CPLANE1: variants seen among roughly 807,000 people sequenced by gnomAD.
CPLANE1 encodes ciliogenesis and planar polarity effector 1.
A neutral mutation model predicts 362.5 loss-of-function variants in CPLANE1; 263 were observed. The observed-to-expected ratio is 0.73, with a 90% confidence interval of 0.66 to 0.80. The LOEUF (loss-of-function observed/expected upper bound fraction) is 0.80, where lower values mean the gene tolerates loss of function less well. CPLANE1 is among the 30% of genes least tolerant of loss of function. The pLI is 0.00. For missense variants in CPLANE1, 3,461 were observed against 3,793.4 expected, an observed-to-expected ratio of 0.91 and a Z score of 2.30; for synonymous variants, 1,212 against 1,302.6, an observed-to-expected ratio of 0.93 and a Z score of 1.50.
the CPLANE1 span, chr5:37,085,031 T>A: frequency 1.6e-6 from 1 of 637,102 alleles, no homozygotes; most frequent in Non-Finnish European, 2.9e-6. Flanking sequence ...GGAAGAGAGG[T>A]CGTCTTTCCT....
chr5:37,187,862 A>G lies in CPLANE1; in HGVS notation c.3812-20T>C. ...AGCAACCTAAAGCAGGAACACAAAT[A>G]TGAAAGAAAATCACATGAGTATGTA... On this transcript the variant is annotated intron_variant, in intron 21 of 52. Coordinates refer to ENST00000651892, the MANE Select transcript of CPLANE1 (RefSeq NM_001384732.1). 1 of 1,560,966 alleles carries G rather than the reference A, an allele frequency of 6.4e-7. No individual in the cohort carries two copies. The highest frequency in any genetic ancestry group is 8.8e-7 in the Non-Finnish European group (1 of 1,136,090).
intron 9 of CPLANE1, among the ~76,000 whole-genome samples, chr5:37,228,813 G>GA (rs1797023628): frequency 6.6e-6 from 1 of 151,852 alleles, no homozygotes. Flanking sequence ...TTCATAATCA[G>GA]AAAAAAAGCA....
At position 37,239,824 on chromosome 5, in the gene CPLANE1, G is replaced by A; in HGVS notation, c.723C>T (p.Leu241=). The A allele has an allele frequency of 3.2e-6, 5 of 1,542,012 alleles. No individual in the cohort carries two copies. Among genetic ancestry groups the A allele is most frequent in the Non-Finnish European group, 4.4e-6 (5 of 1,141,338 alleles). Residue 241 remains leucine (L), a synonymous_variant, in exon 7 of 53, where the codon CTC becomes CTT. Coordinates refer to ENST00000651892, the MANE Select transcript of CPLANE1 (RefSeq NM_001384732.1). ...ATTCACATTTAGGAATTAAACTACA[G>A]AGATGACAGTCTTGTTGAGCCCAAT... ...HVHWAQQDCH[L]CSLIPKCESV...
At chr5:37,172,857 A>G (rs1274409139) in intron 32 of CPLANE1, among the ~76,000 whole-genome samples, 1 of 152,174 alleles carries the variant, frequency 6.6e-6, no homozygotes, top group Non-Finnish European at 1.5e-5. Flanking sequence ...AAGGTGGTAC[A>G]TGCCTATAAT....
At chr5:37,210,804 G>A (rs1012439418) in intron 16 of CPLANE1, 6 of 1,119,262 alleles carry the variant, frequency 5.4e-6, no homozygotes, top group South Asian at 1.2e-5. Context: ...TGAACTTGCG[G>A]TCTTTCAGAA....
rs1580900157 is a variant in CPLANE1, at chr5:37,227,408, T to C, written c.1372-16A>G. The C allele has an allele frequency of 1.3e-6, 2 of 1,516,774 alleles. No homozygotes were observed. The highest frequency in any genetic ancestry group is 2.5e-5 in the East Asian group (1 of 40,514). 94.0% of individuals were successfully genotyped at this position (1,516,774 alleles called of 1,614,324 possible). ...TGCCTTTTGGCTAAAGAAGAAAAGATGAAAGATTTCCAAGAGCAAAATGTT... is the reference window on the plus strand; with the variant it reads ...TGCCTTTTGGCTAAAGAAGAAAAGACGAAAGATTTCCAAGAGCAAAATGTT... On this transcript the variant is annotated splice_polypyrimidine_tract_variant and intron_variant, in intron 10 of 52. Transcript: ENST00000651892.
At chr5:37,146,928 A>T (rs993224137) in intron 43 of CPLANE1, among the ~76,000 whole-genome samples, 4 of 152,208 alleles carry the variant, frequency 2.6e-5, no homozygotes, top group Admixed American at 2.0e-4. Context: ...AGGGATAAAG[A>T]GGGTTATTAC....
chr5:37,161,150 T>G (rs1453299940), intron 38 of CPLANE1, among the ~76,000 whole-genome samples: 1 of 152,188 alleles, frequency 6.6e-6, no homozygotes, highest in Non-Finnish European at 1.5e-5. Context: ...GAAGTACTTT[T>G]TTGATGACAC....
At chr5:37,083,031 G>A in the CPLANE1 span, among the ~76,000 whole-genome samples, 1 of 152,228 alleles carries the variant, frequency 6.6e-6, no homozygotes, top group East Asian at 1.9e-4. Context: ...ACTCCTGCAG[G>A]ACCCAGGAGA....
chr5:37,196,785 C>G (rs1016917959), intron 20 of CPLANE1, among the ~76,000 whole-genome samples: 1 of 151,958 alleles, frequency 6.6e-6, no homozygotes, highest in South Asian at 2.1e-4. Context: ...ATTAGTTGGG[C>G]GAGGTGGCAG....
intron 51 of CPLANE1, among the ~76,000 whole-genome samples, chr5:37,114,468 T>G (rs1760303906): frequency 6.6e-6 from 1 of 152,234 alleles, no homozygotes; most frequent in African/African-American, 2.4e-5. Flanking sequence ...GAAATTTGCG[T>G]AAGGTTACAG....
the CPLANE1 span, among the ~76,000 whole-genome samples, chr5:37,100,881 C>A: frequency 7.2e-5 from 11 of 152,062 alleles, no homozygotes; most frequent in Admixed American, 7.2e-4. Flanking sequence ...AATTGAGAAT[C>A]AGAGTTCATT....
At chr5:37,184,711 G>C in intron 25 of CPLANE1, 77 bp downstream of exon 25, 1 of 1,306,652 alleles carries the variant, frequency 7.7e-7, no homozygotes, top group Non-Finnish European at 1.1e-6. Context: ...GCTGGGACCA[G>C]AAATCAGCTC....
intron 39 of CPLANE1, 95 bp downstream of exon 39, chr5:37,158,129 A>C: frequency 7.4e-7 from 1 of 1,355,192 alleles, no homozygotes; most frequent in South Asian, 1.3e-5. Context: ...TGAGATTTTT[A>C]ACCTCATTTC....
chr5:37,104,516 C>T (rs187094824), downstream of CPLANE1, among the ~76,000 whole-genome samples: 1,005 of 152,160 alleles, frequency 6.6e-3, 8 homozygotes, highest in African/African-American at 0.023. Context: ...ACAAGAATTG[C>T]TTGAACCTTG....
intron 40 of CPLANE1, 79 bp from the exon 41 acceptor site, chr5:37,157,499 T>C (rs1775467405): frequency 8.4e-7 from 1 of 1,186,030 alleles, no homozygotes; most frequent in African/African-American, 1.5e-5. Context: ...AGACTGATTC[T>C]AAACTTCTAA....
At chr5:37,188,196 A>G (rs1489264123) in intron 21 of CPLANE1, among the ~76,000 whole-genome samples, 1 of 152,212 alleles carries the variant, frequency 6.6e-6, no homozygotes, top group Non-Finnish European at 1.5e-5. Context: ...TATATCTTAG[A>G]TATCTTTTCA....
intron 6 of CPLANE1, among the ~76,000 whole-genome samples, chr5:37,240,886 A>G (rs1800254236): frequency 6.6e-6 from 1 of 152,254 alleles, no homozygotes; most frequent in African/African-American, 2.4e-5. Context: ...GTATTTCTAC[A>G]TAATGCCAAA....
Position 37,227,270 on chromosome 5 carries a change from T to C in CPLANE1, c.1494A>G (p.Thr498=). Reference sequence around the variant, plus strand: ...GAAAATCTGCTGCATTTTCATTTATTGTTTCTTCTGCCTGCAAGAATTTGG... The same window carrying C: ...GAAAATCTGCTGCATTTTCATTTATCGTTTCTTCTGCCTGCAAGAATTTGG... ...TVPKFLQAEE[T]INENAADFQD... is the part of the protein sequence containing the mutation. Residue 498 remains threonine, a synonymous_variant, in exon 11 of 53, where the codon ACA becomes ACG. Coordinates refer to ENST00000651892, the MANE Select transcript of CPLANE1 (RefSeq NM_001384732.1). 1.3e-6 allele frequency: 2 copies of C among 1,551,548 alleles called. No individual in the cohort carries two copies. The highest frequency in any genetic ancestry group is 1.7e-6 in the Non-Finnish European group (2 of 1,146,922).
Sources: allele counts gnomAD v4.1 joint callset (sites outside exome capture counted in the v4.1 genomes callset), GRCh38; gene constraint gnomAD v4.1.1; transcripts MANE v1.5; gene names NCBI Gene and HGNC (gene_info 2026-07-23, HGNC 2026-07-21).